CDR2: variants seen among roughly 807,000 people sequenced by gnomAD.
CDR2 encodes the protein cerebellar degeneration-related protein 2.
Under a neutral mutation model 48.4 loss-of-function variants are expected in CDR2, and 34 were observed. The observed-to-expected ratio is 0.70, with a 90% confidence interval of 0.53 to 0.94. The LOEUF is 0.94. Among genes scored for constraint, CDR2 ranks in the 40% least tolerant of loss-of-function variants. The pLI is 0.00. For missense variants in CDR2, 498 were observed against 549.5 expected (o/e 0.91, Z 0.94); for synonymous variants, 240 against 219.7 (o/e 1.09, Z -0.82).
intron 1 of CDR2, among the ~76,000 whole-genome samples, chr16:22,371,848 ATGTG>A (rs56274013): frequency 0.12 from 17,245 of 148,364 alleles, 1,244 homozygotes; most frequent in African/African-American, 0.2. Flanking sequence ...AGGTTCAGAT[ATGTG>A]TGTGTGTGTG....
chr16:22,371,848 A>ATGTGTGTGTGTGTGTGTG (rs56274013), intron 1 of CDR2, among the ~76,000 whole-genome samples: 1 of 148,446 alleles, frequency 6.7e-6, no homozygotes, highest in Admixed American at 6.7e-5. Context: ...AGGTTCAGAT[A>ATGTGTGTGTGTGTGTGTG]TGTGTGTGTG....
At chr16:22,353,906 G>C (rs1181238798) in intron 2 of CDR2, among the ~76,000 whole-genome samples, 1 of 151,890 alleles carries the variant, frequency 6.6e-6, no homozygotes. Context: ...ACTCATGAAG[G>C]TTGAGGAAAA....
At chr16:22,369,828 A>G (rs1291931910) in intron 1 of CDR2, among the ~76,000 whole-genome samples, 1 of 152,002 alleles carries the variant, frequency 6.6e-6, no homozygotes, top group African/African-American at 2.4e-5. Context: ...TGTCCCTTAT[A>G]GTTTTAATTA....
chr16:22,361,486 T>C (rs1219372146), intron 2 of CDR2, among the ~76,000 whole-genome samples: 2 of 152,206 alleles, frequency 1.3e-5, no homozygotes, highest in East Asian at 3.8e-4. Context: ...GGCATTCTTT[T>C]AGGCTATTAG....
At chr16:22,349,961 T>G in intron 2 of CDR2, 112 bp from the exon 3 acceptor site, 4 of 909,210 alleles carry the variant, frequency 4.4e-6, no homozygotes, top group Non-Finnish European at 6.9e-6. Flanking sequence ...GGCCAAGACG[T>G]GTGGATCACC....
At chr16:22,355,330 T>C (rs1169547365) in intron 2 of CDR2, among the ~76,000 whole-genome samples, 2 of 152,216 alleles carry the variant, frequency 1.3e-5, no homozygotes, top group Admixed American at 6.5e-5. Context: ...CCTCCTCTAA[T>C]GCCTTTACGA....
intron 2 of CDR2, among the ~76,000 whole-genome samples, chr16:22,361,958 G>A (rs1030699948): frequency 7.5e-6 from 1 of 132,962 alleles, no homozygotes; most frequent in African/African-American, 2.9e-5. Context: ...CTGGAGTGCA[G>A]TGGCACGATC....
Position 22,349,810 on chromosome 16 carries a change from C to A in CDR2, c.232G>T (p.Glu78Ter), listed in dbSNP as rs1216529932. 5.6e-6 allele frequency: 9 copies of A among 1,614,020 alleles called. No homozygotes were observed. Among genetic ancestry groups the A allele is most frequent in the Non-Finnish European group, 7.6e-6 (9 of 1,179,940 alleles). Residue 78 changes from glutamate (E) to a stop codon, truncating the protein, a stop_gained, in exon 3 of 5, where the codon GAA becomes TAA. Transcript: ENST00000268383. LOFTEE classifies it high-confidence loss of function. ...KQVELLRQMNEQHAKVYEQLD... is the reference protein window; with the variant it reads ...KQVELLRQMN ...TGTTCATAAACCTTTGCATGTTGTT[C>A]GTTCATCTGCCGTAGAAGTTCCACT...
intron 1 of CDR2, among the ~76,000 whole-genome samples, chr16:22,373,020 A>T (rs1312452004): frequency 6.6e-6 from 1 of 152,168 alleles, no homozygotes; most frequent in Non-Finnish European, 1.5e-5. Context: ...ATTCCTGAGG[A>T]TTGTTCAGTA....
intron 1 of CDR2, among the ~76,000 whole-genome samples, chr16:22,371,675 C>T (rs1431621190): frequency 6.6e-6 from 1 of 152,136 alleles, no homozygotes; most frequent in Non-Finnish European, 1.5e-5. Flanking sequence ...ACACTGTAGC[C>T]TTTATTCTTT....
chr16:22,370,687 T>C (rs1027179762), intron 1 of CDR2, among the ~76,000 whole-genome samples: 1 of 152,230 alleles, frequency 6.6e-6, no homozygotes, highest in Admixed American at 6.5e-5. Flanking sequence ...CAAAGAGTTT[T>C]GTAACAGCAA....
At chr16:22,353,357 C>T (rs1013053201) in intron 2 of CDR2, among the ~76,000 whole-genome samples, 3 of 152,120 alleles carry the variant, frequency 2.0e-5, no homozygotes, top group African/African-American at 4.8e-5. Flanking sequence ...GGAGTCAGAA[C>T]CTGGTTTGAG....
At chr16:22,359,086 G>A (rs2048994913) in intron 2 of CDR2, among the ~76,000 whole-genome samples, 1 of 151,912 alleles carries the variant, frequency 6.6e-6, no homozygotes. Context: ...ATGTAAAGCT[G>A]TTATATATCC....
In CDR2 at chr16:22,363,918, C is replaced by T. The variant is rs867533112; in HGVS notation, c.192+984G>A. 2.0e-5 allele frequency among the ~76,000 whole-genome samples: 3 copies of T among 152,198 alleles called. No individual in the cohort carries two copies. The South Asian group carries it at 6.2e-4, about 32-fold the overall frequency. The stretch of plus-strand genomic sequence containing the variant: ...GCATCTTTCATTTTAGTTTGTTAAG[C>T]TGGGCAAAAGGTATTATATTATTAT... On this transcript the variant is annotated intron_variant, in intron 2 of 4. Coordinates refer to ENST00000268383, the MANE Select transcript of CDR2 (RefSeq NM_001802.2).
At chr16:22,363,644 T>C (rs1291128781) in intron 2 of CDR2, among the ~76,000 whole-genome samples, 2 of 152,168 alleles carry the variant, frequency 1.3e-5, no homozygotes, top group South Asian at 2.1e-4. Context: ...GTCTTTTACA[T>C]TTTTCTGTGC....
chr16:22,350,297 G>C (rs2048934002), intron 2 of CDR2, among the ~76,000 whole-genome samples: 1 of 152,118 alleles, frequency 6.6e-6, no homozygotes, highest in Non-Finnish European at 1.5e-5. Flanking sequence ...CCATCTCTGG[G>C]CTCACTGGCC....
chr16:22,371,572 A>T (rs928294503), intron 1 of CDR2, among the ~76,000 whole-genome samples: 1 of 152,244 alleles, frequency 6.6e-6, no homozygotes, highest in African/African-American at 2.4e-5. Flanking sequence ...CAGATAATAC[A>T]TTTTTGAGAA....
At position 22,347,253 on chromosome 16, in the gene CDR2, C is replaced by T. The variant is rs1301550443; in HGVS notation, c.1077G>A (p.Lys359=). The T allele has an allele frequency of 5.6e-6, 9 of 1,614,106 alleles. No homozygotes were observed. In the African/African-American group the frequency reaches 1.1e-4, roughly 19 times the overall value. The change falls in exon 5 of 5, where the codon AAG becomes AAA. Residue 359 remains lysine, a synonymous_variant. Transcript: ENST00000268383. ...GGCACTTCTTCAGCAACTCTTCATA[C>T]TTCACCTTCAGGGCGCTGTACTGCG... is the stretch of plus-strand genomic sequence containing the variant. ...VDTQYSALKV[K]YEELLKKCQE...
intron 2 of CDR2, among the ~76,000 whole-genome samples, chr16:22,352,371 CTTT>C (rs928687518): frequency 3.4e-5 from 5 of 146,718 alleles, no homozygotes; most frequent in Non-Finnish European, 6.0e-5. Context: ...GCATATATGG[CTTT>C]TTTTTTTTCA....
Sources: gnomAD v4.1 joint callset for allele counts (sites outside exome capture counted in the v4.1 genomes callset) on GRCh38, gnomAD v4.1.1 for gene constraint, MANE v1.5 for transcripts, NCBI Gene and HGNC (gene_info 2026-07-23, HGNC 2026-07-21) for gene names.